Variants in PRKG1 observed in about 807,000 individuals in gnomAD.
The protein encoded by PRKG1 is cGMP-dependent protein kinase 1.
Under a neutral mutation model 88.1 loss-of-function variants are expected in PRKG1, and 35 were observed. The observed-to-expected ratio is 0.40, with a 90% CI of 0.30 to 0.53. The LOEUF is 0.53. PRKG1 is among the 20% of genes least tolerant of loss of function. The pLI is 0.59. For missense variants in PRKG1, 540 were observed against 839.8 expected (o/e 0.64, Z 4.41); for synonymous variants, 303 against 292.5 (o/e 1.04, Z -0.37).
chr10:51,277,151 T>A (rs372046440), intron 2 of PRKG1, among the ~76,000 whole-genome samples: 51 of 152,242 alleles, frequency 3.3e-4, no homozygotes, highest in African/African-American at 8.7e-4. Context: ...AGGTGTAAGG[T>A]AGGGATCCAG....
intron 9 of PRKG1, among the ~76,000 whole-genome samples, chr10:52,244,127 C>T (rs1044863002): frequency 2.6e-5 from 4 of 152,052 alleles, no homozygotes; most frequent in Non-Finnish European, 4.4e-5. Flanking sequence ...ATGGTGATTA[C>T]ACCTAGATGC....
At chr10:51,361,993 T>C (rs1288385523) in intron 2 of PRKG1, among the ~76,000 whole-genome samples, 31 of 152,062 alleles carry the variant, frequency 2.0e-4, no homozygotes, top group Non-Finnish European at 2.9e-5. Flanking sequence ...TGGTCACTTT[T>C]CTGTTTCTAT....
rs1842329695 is a variant in PRKG1 at position 52,293,974 on chromosome 10, G to A, written c.*74G>A. The A allele has an allele frequency of 1.6e-6, 2 of 1,285,572 alleles. No individual in the cohort carries two copies. Among genetic ancestry groups the A allele is most frequent in the East Asian group, 4.7e-5 (2 of 42,366 alleles). 79.6% of individuals were successfully genotyped at this position (1,285,572 alleles called of 1,614,324 possible). Reference sequence around the variant, plus strand: ...GACACAGCTGCCAGCAAACCTGAGGGAAAGAGAGAAGATTAGTGCTCGGGG... The same window carrying A: ...GACACAGCTGCCAGCAAACCTGAGGAAAAGAGAGAAGATTAGTGCTCGGGG... On this transcript the variant is annotated 3_prime_UTR_variant, in exon 18 of 18. Transcript: ENST00000373980.
chr10:51,853,276 A>T (rs2132811876), intron 4 of PRKG1, among the ~76,000 whole-genome samples: 1 of 152,320 alleles, frequency 6.6e-6, no homozygotes, highest in Middle Eastern at 3.4e-3. Context: ...TAAGTTGTGT[A>T]CAATGGATAG....
intron 3 of PRKG1, among the ~76,000 whole-genome samples, chr10:51,796,378 G>A (rs1839011208): frequency 1.3e-5 from 2 of 151,944 alleles, no homozygotes; most frequent in South Asian, 4.2e-4. Flanking sequence ...ATTTTAACAT[G>A]TAATAAATGT....
intron 7 of PRKG1, among the ~76,000 whole-genome samples, chr10:52,087,841 T>C (rs781353339): frequency 1.1e-3 from 163 of 152,232 alleles, no homozygotes; most frequent in Non-Finnish European, 1.9e-3. Context: ...CTTTTCAAAA[T>C]AGAGAAAAAG....
At chr10:51,396,902 T>G (rs1282682026) in intron 2 of PRKG1, among the ~76,000 whole-genome samples, 1 of 152,234 alleles carries the variant, frequency 6.6e-6, no homozygotes, top group East Asian at 1.9e-4. Context: ...GACTCAATAT[T>G]CAAGATAAAT....
intron 3 of PRKG1, among the ~76,000 whole-genome samples, chr10:51,719,060 C>T (rs910582432): frequency 6.6e-6 from 1 of 151,916 alleles, no homozygotes; most frequent in African/African-American, 2.4e-5. Context: ...GAGAAGGGAG[C>T]ATCACTTGAG....
chr10:51,470,967 T>C (rs1840033071), intron 3 of PRKG1, among the ~76,000 whole-genome samples: 1 of 151,888 alleles, frequency 6.6e-6, no homozygotes, highest in Non-Finnish European at 1.5e-5. Context: ...CCAGGAATAA[T>C]ATTTTTAAAA....
intron 2 of PRKG1, among the ~76,000 whole-genome samples, chr10:51,154,018 G>A (rs754555277): frequency 6.6e-6 from 1 of 151,984 alleles, no homozygotes; most frequent in Non-Finnish European, 1.5e-5. Context: ...GATAATGACT[G>A]AATCAGCTTG....
intron 3 of PRKG1, among the ~76,000 whole-genome samples, chr10:51,654,112 C>T (rs984538371): frequency 6.6e-6 from 1 of 151,874 alleles, no homozygotes; most frequent in African/African-American, 2.4e-5. Flanking sequence ...AGATCAATGT[C>T]AAGAAACTTT....
intron 1 of PRKG1, among the ~76,000 whole-genome samples, chr10:51,078,230 TG>T (rs1313748659): frequency 6.6e-6 from 1 of 151,952 alleles, no homozygotes; most frequent in Non-Finnish European, 1.5e-5. Context: ...CCTTTGTTGT[TG>T]TTGTTGAGAC....
chr10:51,739,096 G>C (rs537582174), intron 3 of PRKG1, among the ~76,000 whole-genome samples: 1 of 152,244 alleles, frequency 6.6e-6, no homozygotes, highest in Non-Finnish European at 1.5e-5. Context: ...TTTTCATTTT[G>C]CTCTGTGCTC....
intron 2 of PRKG1, among the ~76,000 whole-genome samples, chr10:51,289,640 T>C (rs1564431450): frequency 6.6e-6 from 1 of 152,022 alleles, no homozygotes; most frequent in Non-Finnish European, 1.5e-5. Flanking sequence ...TAAGACTTTC[T>C]GAGTACTAAT....
intron 3 of PRKG1, chr10:51,698,026 C>A: frequency 6.2e-7 from 1 of 1,614,052 alleles, no homozygotes; most frequent in Non-Finnish European, 8.5e-7. Flanking sequence ...CTGTACCCTG[C>A]ATACCAGCTC....
At chr10:51,459,266 G>A (rs1052835268) in intron 2 of PRKG1, among the ~76,000 whole-genome samples, 1 of 152,216 alleles carries the variant, frequency 6.6e-6, no homozygotes, top group African/African-American at 2.4e-5. Context: ...TTTGGAGAGA[G>A]GGGTAGGACA....
chr10:51,677,725 G>A (rs1044288197), intron 3 of PRKG1, among the ~76,000 whole-genome samples: 3 of 152,154 alleles, frequency 2.0e-5, no homozygotes, highest in African/African-American at 7.2e-5. Flanking sequence ...AGAACCCAGG[G>A]TCTCATCCCC....
At chr10:51,610,866 G>T (rs1178333360) in intron 3 of PRKG1, among the ~76,000 whole-genome samples, 2 of 151,994 alleles carry the variant, frequency 1.3e-5, no homozygotes, top group Non-Finnish European at 2.9e-5. Flanking sequence ...ACGGGGAGGG[G>T]AACAACACAC....
At chr10:51,232,569 A>T (rs930563724) in intron 2 of PRKG1, among the ~76,000 whole-genome samples, 1 of 152,132 alleles carries the variant, frequency 6.6e-6, no homozygotes, top group Non-Finnish European at 1.5e-5. Context: ...TCATTCAAAA[A>T]CCTACAAAAA....
Sources: gnomAD v4.1 joint callset for allele counts (sites outside exome capture counted in the v4.1 genomes callset) on GRCh38, gnomAD v4.1.1 for gene constraint, MANE v1.5 for transcripts, NCBI Gene and HGNC (gene_info 2026-07-23, HGNC 2026-07-21) for gene names.